KLB: variants seen among roughly 807,000 people sequenced by gnomAD.
The protein encoded by KLB is klotho beta, also known as beta-klotho.
Under a neutral mutation model 88.4 loss-of-function variants are expected in KLB, and 44 were observed. The observed-to-expected ratio is 0.50, with a 90% CI of 0.39 to 0.64. KLB has a LOEUF of 0.64. Among genes scored for constraint, KLB ranks in the 30% least tolerant of loss-of-function variants. The probability of loss-of-function intolerance (pLI) is 0.00; values close to 1 mark genes in which losing one functional copy is unlikely to be tolerated. For synonymous variants in KLB, 548 were observed against 513.4 expected, an observed-to-expected ratio of 1.07 and a Z score of -0.91; for missense variants, 1,137 against 1,304.8, an observed-to-expected ratio of 0.87 and a Z score of 1.98.
At position 39,450,942 on chromosome 4, in the gene KLB, T is replaced by C. The variant is rs560016704; in HGVS notation, c.*2256T>C. 2 of 152,282 alleles carry C rather than the reference T, an allele frequency of 1.3e-5. No individual in the cohort carries two copies. Among genetic ancestry groups the C allele is most frequent in the African/African-American group, 4.8e-5 (2 of 41,558 alleles). 9.4% of individuals were successfully genotyped at this position (152,282 alleles called of 1,614,324 possible). On this transcript the variant is annotated 3_prime_UTR_variant, in exon 5 of 5. Transcript: ENST00000257408. The stretch of plus-strand genomic sequence containing the variant: ...AGGTTTTGCTTTCTCTTTCTCACTT[T>C]GTTTAAAGTATCTCGTACTCACAGT...
At chr4:39,411,337 A>T (rs75186813) in intron 1 of KLB, among the ~76,000 whole-genome samples, 138 of 103,186 alleles carry the variant, frequency 1.3e-3, no homozygotes, top group Admixed American at 3.4e-3. Context: ...TTTTGTTTTG[A>T]TTTTTTTTTT....
rs775994169 is a variant in KLB at position 39,450,029 on chromosome 4, G to C, written c.*1343G>C. 1 of 152,172 alleles carries C rather than the reference G, an allele frequency of 6.6e-6. No homozygotes were observed. The highest frequency in any genetic ancestry group is 1.5e-5 in the Non-Finnish European group (1 of 68,040). The allele number at this position is 152,172 out of a possible 1,614,324, so 9.4% of individuals were successfully genotyped here. A position where few individuals can be genotyped will look rare whatever the true frequency, so the allele number is the denominator to read the frequency against. ...AAAGCTAGACTCAACTCTGTGAATA[G>C]AAGTTGCTATACTGTAAGTAAAGCA... On this transcript the variant is annotated 3_prime_UTR_variant, in exon 5 of 5. Coordinates refer to ENST00000257408, the MANE Select transcript of KLB (RefSeq NM_175737.4).
chr4:39,419,644 C>T (rs1331195371), intron 1 of KLB, among the ~76,000 whole-genome samples: 1 of 151,814 alleles, frequency 6.6e-6, no homozygotes, highest in Non-Finnish European at 1.5e-5. Context: ...GGTATGGTGG[C>T]GTGTGCCTGT....
intron 1 of KLB, among the ~76,000 whole-genome samples, chr4:39,415,611 C>A (rs991192850): frequency 1.3e-5 from 2 of 151,770 alleles, no homozygotes. Flanking sequence ...GTAAAATGCC[C>A]AAATTTATGT....
chr4:39,434,842 T>C, intron 2 of KLB, 122 bp downstream of exon 2: 1 of 783,216 alleles, frequency 1.3e-6, no homozygotes, highest in Non-Finnish European at 2.0e-6. Flanking sequence ...AGTTTCTCGC[T>C]GTCTCCCAGG....
chr4:39,429,433 G>A (rs1743290918), intron 1 of KLB, among the ~76,000 whole-genome samples: 1 of 152,144 alleles, frequency 6.6e-6, no homozygotes, highest in Non-Finnish European at 1.5e-5. Context: ...TGGACTTCCA[G>A]GGGCATCAAA....
At chr4:39,417,376 G>A (rs769578999) in intron 1 of KLB, among the ~76,000 whole-genome samples, 2 of 152,102 alleles carry the variant, frequency 1.3e-5, no homozygotes. Flanking sequence ...GTGTAATGGC[G>A]TGATCTCAGC....
At chr4:39,424,775 T>C (rs151010045) in intron 1 of KLB, among the ~76,000 whole-genome samples, 2,783 of 152,112 alleles carry the variant, frequency 0.018, 43 homozygotes, top group Non-Finnish European at 0.029. Flanking sequence ...ACTACAGGCA[T>C]GTGCCACCAC....
rs1303151132 is a variant in KLB at position 39,448,855 on chromosome 4, T to C, written c.*169T>C. 1.6e-6 allele frequency: 1 copy of C among 628,922 alleles called. No individual in the cohort carries two copies. Among genetic ancestry groups the C allele is most frequent in the Non-Finnish European group, 2.7e-6 (1 of 369,276 alleles). The allele number at this position is 628,922 out of a possible 1,614,324, so 39.0% of individuals were successfully genotyped here. On this transcript the variant is annotated 3_prime_UTR_variant, in exon 5 of 5. Transcript: ENST00000257408. ...GTTCAAAGAACATTCCCTTAGGTGT[T>C]GACATCAGTGAACTCAGTTCTTGGA...
In KLB at chr4:39,407,558, A is replaced by G. The variant is rs1029733133; in HGVS notation, c.609A>G (p.Gln203=). The change falls in exon 1 of 5, where the codon CAA becomes CAG. Residue 203 remains glutamine, a synonymous_variant. Transcript: ENST00000257408. ...ACTGGGATTTGCCTTTGGCACTACA[A>G]GAAAAATATGGGGGGTGGAAAAATG... ...LYHWDLPLAL[Q]EKYGGWKNDT... is the part of the protein sequence containing the mutation. 1.9e-6 allele frequency: 3 copies of G among 1,614,042 alleles called. No homozygotes were observed. The highest frequency in any genetic ancestry group is 2.5e-6 in the Non-Finnish European group (3 of 1,179,994).
chr4:39,411,074 C>A (rs1166176130), intron 1 of KLB, among the ~76,000 whole-genome samples: 2 of 150,848 alleles, frequency 1.3e-5, no homozygotes, highest in Non-Finnish European at 2.9e-5. Context: ...TGTTTTGAGA[C>A]GGAGTTTTCG....
At position 39,446,349 on chromosome 4, in the gene KLB, G is replaced by C; in HGVS notation, c.1623G>C (p.Ser541=). The stretch of plus-strand genomic sequence containing the variant: ...TTTCACAGCCCGAGTCTGTGGCTTC[G>C]TCCCCACAGTTCAGCGATCCTCATC... ...ESVLKPESVA[S]SPQFSDPHLY... Residue 541 remains serine (S), a synonymous_variant, in exon 4 of 5, where the codon TCG becomes TCC. Transcript: ENST00000257408. This position sits in a 1 kb window ranked among gnomAD's most constrained non-coding sequence, Gnocchi z 6.4. 7 of 1,613,568 alleles carry C rather than the reference G, an allele frequency of 4.3e-6. No homozygotes were observed. The highest frequency in any genetic ancestry group is 5.9e-6 in the Non-Finnish European group (7 of 1,179,766).
In KLB at chr4:39,448,455, T is replaced by C. The variant is rs1743811459; in HGVS notation, c.2904T>C (p.Pro968=). The change falls in exon 5 of 5, where the codon CCT becomes CCC. Residue 968 remains proline, a synonymous_variant. Coordinates refer to ENST00000257408, the MANE Select transcript of KLB (RefSeq NM_175737.4). ...YNKVISSRGF[P]FENSSSRCSQ... is the part of the protein sequence containing the mutation. ...AAGTGATCAGCAGCAGGGGCTTCCC[T>C]TTTGAGAACAGTAGTTCTAGATGCA... The C allele has an allele frequency of 1.9e-6, 3 of 1,614,012 alleles. No homozygotes were observed. Among genetic ancestry groups the C allele is most frequent in the South Asian group, 1.1e-5 (1 of 91,092 alleles).
intron 1 of KLB, among the ~76,000 whole-genome samples, chr4:39,425,325 T>C (rs1743181756): frequency 6.6e-6 from 1 of 152,264 alleles, no homozygotes; most frequent in South Asian, 2.1e-4. Flanking sequence ...TCAGAATTCT[T>C]TAACAGGACA....
At chr4:39,428,831 C>G (rs1313230447) in intron 1 of KLB, among the ~76,000 whole-genome samples, 1 of 152,166 alleles carries the variant, frequency 6.6e-6, no homozygotes, top group Admixed American at 6.5e-5. Flanking sequence ...CCTCAGCCTC[C>G]CGAGTAGCTG....
At chr4:39,416,873 C>T (rs933940682) in intron 1 of KLB, among the ~76,000 whole-genome samples, 2 of 152,152 alleles carry the variant, frequency 1.3e-5, no homozygotes. Context: ...CGGACTGCTG[C>T]AACTGCTTTC....
At chr4:39,447,891 G>A (rs1391791067) in intron 4 of KLB, among the ~76,000 whole-genome samples, 1 of 152,014 alleles carries the variant, frequency 6.6e-6, no homozygotes, top group Non-Finnish European at 1.5e-5. Flanking sequence ...TAGCTTAAGC[G>A]AGCGACAGTG....
chr4:39,436,783 C>G (rs776325948), intron 2 of KLB, among the ~76,000 whole-genome samples: 1 of 151,922 alleles, frequency 6.6e-6, no homozygotes, highest in Non-Finnish European at 1.5e-5. Flanking sequence ...AATCTTGGCT[C>G]ACTGCAATCT....
intron 1 of KLB, among the ~76,000 whole-genome samples, chr4:39,425,332 G>A (rs190513515): frequency 6.6e-6 from 1 of 152,278 alleles, no homozygotes; most frequent in East Asian, 1.9e-4. Flanking sequence ...TCTTTAACAG[G>A]ACATTTGTTT....
Sources: gnomAD v4.1 joint callset for allele counts (sites outside exome capture counted in the v4.1 genomes callset) on GRCh38, gnomAD v4.1.1 for gene constraint, Gnocchi (gnomAD v3.1) non-coding constraint, MANE v1.5 for transcripts, NCBI Gene and HGNC (gene_info 2026-07-23, HGNC 2026-07-21) for gene names.